Variants in KYNU observed in about 807,000 individuals in gnomAD.
KYNU encodes kynureninase.
KYNU carries 54 observed loss-of-function variants against 59.2 expected under a neutral mutation model. That is an observed-to-expected ratio of 0.91 (90% CI 0.73 to 1.14). The LOEUF (loss-of-function observed/expected upper bound fraction) is 1.14, where lower values mean the gene tolerates loss of function less well. KYNU is among the 50% of genes most tolerant of loss of function. The pLI is 0.00. For synonymous variants in KYNU, 177 were observed against 192.0 expected, an observed-to-expected ratio of 0.92 and a Z score of 0.65; for missense variants, 567 against 554.4, an observed-to-expected ratio of 1.02 and a Z score of -0.23.
chr2:142,886,032 GA>G (rs1158635243), intron 2 of KYNU, among the ~76,000 whole-genome samples: 3 of 152,014 alleles, frequency 2.0e-5, no homozygotes, highest in Non-Finnish European at 4.4e-5. Context: ...GAGTTACCAA[GA>G]AAAGAAACAA....
At chr2:143,025,650 T>G (rs1686531235) in intron 10 of KYNU, among the ~76,000 whole-genome samples, 1 of 152,190 alleles carries the variant, frequency 6.6e-6, no homozygotes, top group Non-Finnish European at 1.5e-5. Context: ...AAACTGGAAC[T>G]TCAGTAGATA....
chr2:142,885,988 C>A (rs1484424908), intron 2 of KYNU, among the ~76,000 whole-genome samples: 1 of 152,078 alleles, frequency 6.6e-6, no homozygotes, highest in East Asian at 1.9e-4. Context: ...ATATGAATAG[C>A]CATCTTTGCA....
chr2:143,009,913 A>G lies in KYNU; in HGVS notation c.903-19714A>G, dbSNP rs868166806. ...TTAGGTATTGATGGGATGTATTTCA[A>G]AATAATAAGAGCTATCTATGACAAA... is the stretch of plus-strand genomic sequence containing the variant. On this transcript the variant is annotated intron_variant, in intron 10 of 13. Transcript: ENST00000264170. Among the ~76,000 whole-genome samples, 17 of 116,886 alleles carry G rather than the reference A, an allele frequency of 1.5e-4. 2 individuals are homozygous for G. The highest frequency in any genetic ancestry group is 8.4e-3 in the Middle Eastern group (2 of 238). The allele number at this position is 116,886 out of a possible 152,430, so 76.7% of individuals were successfully genotyped here. A position where few individuals can be genotyped will look rare whatever the true frequency, so the allele number is the denominator to read the frequency against.
chr2:142,927,507 T>C (rs954007492), intron 3 of KYNU, 152 bp from the exon 4 acceptor site: 20 of 580,150 alleles, frequency 3.4e-5, no homozygotes, highest in African/African-American at 3.4e-4. Context: ...CCAAGTATTA[T>C]ATATTTTGTT....
rs1486676240 is a variant in KYNU, at chr2:142,957,632, C to G, written c.508-9C>G. On this transcript the variant is annotated splice_polypyrimidine_tract_variant and intron_variant, in intron 6 of 13. Coordinates refer to ENST00000264170, the MANE Select transcript of KYNU (RefSeq NM_003937.3). ...TTGATTTGATAAATACATCATCTTT[C>G]CTTTTTAGTATGCTATTGAGTCACA... 1.3e-6 allele frequency: 2 copies of G among 1,546,306 alleles called. No individual in the cohort carries two copies. Among genetic ancestry groups the G allele is most frequent in the South Asian group, 2.2e-5 (2 of 89,632 alleles).
chr2:142,942,196 T>C (rs890047776), intron 4 of KYNU, among the ~76,000 whole-genome samples: 2 of 151,194 alleles, frequency 1.3e-5, no homozygotes, highest in African/African-American at 2.4e-5. Context: ...AAGAAAAATG[T>C]GTAACTTCAC....
At chr2:142,880,839 G>A (rs1681270948) in intron 1 of KYNU, among the ~76,000 whole-genome samples, 1 of 152,184 alleles carries the variant, frequency 6.6e-6, no homozygotes, top group Non-Finnish European at 1.5e-5. Flanking sequence ...TCAAAATGCA[G>A]TTTCCTTCAT....
intron 2 of KYNU, among the ~76,000 whole-genome samples, chr2:142,887,760 G>A (rs1681567561): frequency 6.6e-6 from 1 of 152,150 alleles, no homozygotes; most frequent in Non-Finnish European, 1.5e-5. Context: ...AACTTGGAGA[G>A]GGAGAAATGA....
intron 4 of KYNU, among the ~76,000 whole-genome samples, chr2:142,946,767 G>T (rs926696821): frequency 6.6e-6 from 1 of 152,132 alleles, no homozygotes; most frequent in Admixed American, 6.5e-5. Context: ...ATAAGATTCT[G>T]CCTGTCCCTT....
At chr2:142,890,805 C>T (rs1385676431) in intron 2 of KYNU, among the ~76,000 whole-genome samples, 3 of 152,150 alleles carry the variant, frequency 2.0e-5, no homozygotes, top group South Asian at 2.1e-4. Context: ...AATCTTTGCT[C>T]ATTAGATAAT....
intron 12 of KYNU, among the ~76,000 whole-genome samples, chr2:143,038,871 C>T (rs1686960837): frequency 6.6e-6 from 1 of 152,134 alleles, no homozygotes; most frequent in Non-Finnish European, 1.5e-5. Context: ...CCAAATGACC[C>T]TATCTTTGCT....
At chr2:142,956,411 T>C in intron 6 of KYNU, 137 bp downstream of exon 6, 1 of 605,746 alleles carries the variant, frequency 1.7e-6, no homozygotes, top group Non-Finnish European at 2.9e-6. Flanking sequence ...ATGCTTTTGA[T>C]TAAATTTTTT....
chr2:143,029,773 G>T, intron 11 of KYNU, 94 bp downstream of exon 11: 1 of 766,286 alleles, frequency 1.3e-6, no homozygotes, highest in South Asian at 1.4e-5. Context: ...TATGCCCCAG[G>T]GAGAGTGCAC....
chr2:142,904,403 T>A (rs896870603), intron 2 of KYNU, among the ~76,000 whole-genome samples: 4 of 152,182 alleles, frequency 2.6e-5, no homozygotes, highest in Admixed American at 6.5e-5. Context: ...TTGTTCTTTT[T>A]CCTCTGTTGT....
intron 10 of KYNU, among the ~76,000 whole-genome samples, chr2:143,023,955 T>TA (rs1427991210): frequency 6.6e-6 from 1 of 151,714 alleles, no homozygotes; most frequent in African/African-American, 2.4e-5. Flanking sequence ...TATTGAAAGA[T>TA]AAAGTCATCA....
intron 3 of KYNU, 117 bp from the exon 4 acceptor site, chr2:142,927,541 AT>A (rs2105013631): frequency 1.4e-6 from 1 of 729,300 alleles, no homozygotes; most frequent in East Asian, 2.6e-5. Context: ...ATTTTATATA[AT>A]TACTAACACA....
chr2:143,024,107 C>CA (rs888479165), intron 10 of KYNU, among the ~76,000 whole-genome samples: 14 of 148,222 alleles, frequency 9.4e-5, no homozygotes, highest in South Asian at 2.1e-4. Flanking sequence ...GAATTCAGAC[C>CA]AAAAAAAAAT....
chr2:143,015,568 C>T (rs1686223218), intron 10 of KYNU, among the ~76,000 whole-genome samples: 1 of 151,990 alleles, frequency 6.6e-6, no homozygotes, highest in Non-Finnish European at 1.5e-5. Flanking sequence ...CTTAAATGTC[C>T]TTAAATGCTA....
Position 142,960,777 on chromosome 2 carries a change from A to G in KYNU, c.729+7A>G. On this transcript the variant is annotated splice_region_variant and intron_variant, in intron 8 of 13. Coordinates refer to ENST00000264170, the MANE Select transcript of KYNU (RefSeq NM_003937.3). ...AAAAGCTGGACAAGCGAAGGTATGC[A>G]CGCCATTTACTTCTTCCCACCTTAC... 1 of 1,613,788 alleles carries G rather than the reference A, an allele frequency of 6.2e-7. No homozygotes were observed. The highest frequency in any genetic ancestry group is 8.5e-7 in the Non-Finnish European group (1 of 1,179,838).
Sources: gnomAD v4.1 joint callset for allele counts (sites outside exome capture counted in the v4.1 genomes callset) on GRCh38, gnomAD v4.1.1 for gene constraint, MANE v1.5 for transcripts, NCBI Gene and HGNC (gene_info 2026-07-23, HGNC 2026-07-21) for gene names.